ZNF804B: variants seen among roughly 807,000 people sequenced by gnomAD.
ZNF804B encodes the protein zinc finger protein 804B, also known as zinc finger 804B.
Under a neutral mutation model 101.4 loss-of-function variants are expected in ZNF804B, and 80 were observed. That is an observed-to-expected ratio of 0.79 (90% CI 0.66 to 0.95). The LOEUF (loss-of-function observed/expected upper bound fraction) is 0.95. Among genes scored for constraint, ZNF804B ranks in the 40% least tolerant of loss-of-function variants. ZNF804B has a pLI of 0.00. For synonymous variants in ZNF804B, 622 were observed against 558.8 expected, an observed-to-expected ratio of 1.11 and a Z score of -1.59; for missense variants, 1,673 against 1,561.9, an observed-to-expected ratio of 1.07 and a Z score of -1.20.
At chr7:89,298,216 G>GTGTATATATATATATA (rs1421058768) in intron 2 of ZNF804B, among the ~76,000 whole-genome samples, 2 of 27,524 alleles carry the variant, frequency 7.3e-5, no homozygotes, top group African/African-American at 1.6e-4. Flanking sequence ...GTGTGTGTGT[G>GTGTATATATATATATA]TATATATATA....
At chr7:89,012,407 A>G (rs972321495) in intron 1 of ZNF804B, among the ~76,000 whole-genome samples, 2 of 151,924 alleles carry the variant, frequency 1.3e-5, no homozygotes, top group Middle Eastern at 3.2e-3. Context: ...CAGAAAATGG[A>G]TTTTTCTTTT....
chr7:88,999,449 G>T (rs997504565), intron 1 of ZNF804B, among the ~76,000 whole-genome samples: 2 of 151,882 alleles, frequency 1.3e-5, no homozygotes, highest in East Asian at 1.9e-4. Context: ...AAAGAGAAAA[G>T]TATGAACAAG....
At chr7:89,051,627 A>C (rs975561554) in intron 1 of ZNF804B, among the ~76,000 whole-genome samples, 2 of 152,100 alleles carry the variant, frequency 1.3e-5, no homozygotes, top group African/African-American at 4.8e-5. Context: ...ATATACTAAG[A>C]GTCTATTTTG....
intron 2 of ZNF804B, among the ~76,000 whole-genome samples, chr7:89,307,690 C>A (rs530137011): frequency 3.3e-4 from 50 of 152,086 alleles, no homozygotes; most frequent in Non-Finnish European, 7.4e-4. Context: ...AAAAACAATA[C>A]ATTTCCAGTC....
chr7:88,982,938 C>T (rs1192603428), intron 1 of ZNF804B, among the ~76,000 whole-genome samples: 4 of 152,036 alleles, frequency 2.6e-5, no homozygotes, highest in Non-Finnish European at 5.9e-5. Flanking sequence ...TCCAGTGATA[C>T]CCATAAAGTC....
At chr7:89,114,585 C>G (rs1453181268) in intron 1 of ZNF804B, among the ~76,000 whole-genome samples, 1 of 152,168 alleles carries the variant, frequency 6.6e-6, no homozygotes, top group East Asian at 1.9e-4. Flanking sequence ...CTTATTGATG[C>G]TCTTTTTGCA....
At chr7:88,875,073 G>A (rs1326367260) in intron 1 of ZNF804B, among the ~76,000 whole-genome samples, 3 of 132,748 alleles carry the variant, frequency 2.3e-5, no homozygotes, top group African/African-American at 9.5e-5. Flanking sequence ...GGTACATAAC[G>A]AAATGAAGGC....
chr7:89,149,800 G>C (rs975216922), intron 1 of ZNF804B, among the ~76,000 whole-genome samples: 1 of 151,090 alleles, frequency 6.6e-6, no homozygotes, highest in Admixed American at 6.6e-5. Context: ...AGAGGCTTTT[G>C]CAGGGATTCC....
chr7:88,873,642 T>C (rs1320603406), intron 1 of ZNF804B, among the ~76,000 whole-genome samples: 3 of 152,214 alleles, frequency 2.0e-5, no homozygotes, highest in Non-Finnish European at 4.4e-5. Context: ...GAATTGATTT[T>C]TATACAAGGT....
At chr7:88,966,525 G>C (rs548629443) in intron 1 of ZNF804B, among the ~76,000 whole-genome samples, 6 of 151,544 alleles carry the variant, frequency 4.0e-5, no homozygotes, top group Non-Finnish European at 8.9e-5. Context: ...TATTGATATA[G>C]AAGAGTGACG....
chr7:89,220,142 T>C (rs866909342), intron 2 of ZNF804B, among the ~76,000 whole-genome samples: 7,223 of 89,228 alleles, frequency 0.081, 1,383 homozygotes, highest in Non-Finnish European at 0.12. Context: ...CATATATGTG[T>C]GTATATACAT....
At position 89,202,143 on chromosome 7, in the gene ZNF804B, C is replaced by T. The variant is rs758640556; in HGVS notation, c.109-16012C>T. The stretch of plus-strand genomic sequence containing the variant: ...CCAAGCATTCATATCATAACTAAAT[C>T]CCTACCCTAAACCAGGCTCTTTCAA... On this transcript the variant is annotated intron_variant, in intron 1 of 3. Coordinates refer to ENST00000333190, the MANE Select transcript of ZNF804B (RefSeq NM_181646.5). Among the ~76,000 whole-genome samples, 84 of 152,058 alleles carry T rather than the reference C, an allele frequency of 5.5e-4. 1 individual carries two copies. The highest frequency in any genetic ancestry group is 1.3e-4 in the Non-Finnish European group (9 of 67,988).
chr7:89,216,309 A>G (rs900426295), intron 1 of ZNF804B, among the ~76,000 whole-genome samples: 2 of 152,240 alleles, frequency 1.3e-5, no homozygotes, highest in African/African-American at 2.4e-5. Flanking sequence ...CTCCATCTCA[A>G]AAAAAGAAAA....
At chr7:89,064,969 G>C (rs978206683) in intron 1 of ZNF804B, among the ~76,000 whole-genome samples, 3 of 152,084 alleles carry the variant, frequency 2.0e-5, no homozygotes, top group African/African-American at 7.2e-5. Flanking sequence ...TTAAGGAGAA[G>C]GCTAGAAGGG....
At chr7:89,094,033 C>T (rs1429375378) in intron 1 of ZNF804B, among the ~76,000 whole-genome samples, 1 of 152,160 alleles carries the variant, frequency 6.6e-6, no homozygotes, top group Non-Finnish European at 1.5e-5. Context: ...GCAATAATTC[C>T]ATATACAAAT....
intron 1 of ZNF804B, among the ~76,000 whole-genome samples, chr7:89,196,160 C>T (rs1046525721): frequency 6.6e-6 from 1 of 152,090 alleles, no homozygotes; most frequent in Non-Finnish European, 1.5e-5. Flanking sequence ...AACTATACTT[C>T]AAGACTACAA....
chr7:89,209,655 T>C (rs903601894), intron 1 of ZNF804B, among the ~76,000 whole-genome samples: 2 of 152,232 alleles, frequency 1.3e-5, no homozygotes, highest in African/African-American at 4.8e-5. Context: ...TACTCTAACA[T>C]TATTCCAACA....
At chr7:89,002,913 A>G (rs1304029343) in intron 1 of ZNF804B, among the ~76,000 whole-genome samples, 1 of 152,006 alleles carries the variant, frequency 6.6e-6, no homozygotes, top group Non-Finnish European at 1.5e-5. Context: ...TGTGATAGAG[A>G]AGTAAACTCA....
At chr7:88,942,064 G>T (rs1479045447) in intron 1 of ZNF804B, among the ~76,000 whole-genome samples, 1 of 151,656 alleles carries the variant, frequency 6.6e-6, no homozygotes, top group Non-Finnish European at 1.5e-5. Flanking sequence ...TTCCCACTTT[G>T]CCAAGAAAAT....
Sources: gnomAD v4.1 joint callset for allele counts (sites outside exome capture counted in the v4.1 genomes callset) on GRCh38, gnomAD v4.1.1 for gene constraint, MANE v1.5 for transcripts, NCBI Gene and HGNC (gene_info 2026-07-23, HGNC 2026-07-21) for gene names.